CD36: variants seen among roughly 807,000 people sequenced by gnomAD.
CD36 encodes the protein platelet glycoprotein 4.
In CD36, 119 loss-of-function variants were observed where a neutral mutation model predicts 55.2. That is an observed-to-expected ratio of 2.15 (90% confidence interval 1.86 to 2.51). The LOEUF is 2.51. Among genes scored for constraint, CD36 ranks in the 30% most tolerant of loss-of-function variants. CD36 has a pLI of 0.00. For synonymous variants in CD36, 186 were observed against 193.6 expected (o/e 0.96, Z 0.33); for missense variants, 819 against 555.5 (o/e 1.47, Z -4.77).
At chr7:80,618,499 C>T (rs180921111) in intron 1 of CD36, among the ~76,000 whole-genome samples, 18 of 152,232 alleles carry the variant, frequency 1.2e-4, no homozygotes. Context: ...GAAACCTAGG[C>T]CTCTGACACC....
intron 4 of CD36, among the ~76,000 whole-genome samples, chr7:80,658,816 T>C (rs184866623): frequency 1.3e-5 from 2 of 152,298 alleles, no homozygotes; most frequent in East Asian, 3.9e-4. Context: ...CTTTTAAATA[T>C]ATTATTTGGG....
chr7:80,664,254 T>A, intron 6 of CD36, 152 bp from the exon 7 acceptor site: 1 of 592,146 alleles, frequency 1.7e-6, no homozygotes, highest in Non-Finnish European at 3.1e-6. Context: ...CTTTCACAAT[T>A]TTTAAGGCCA....
intron 1 of CD36, among the ~76,000 whole-genome samples, chr7:80,629,278 C>A (rs1793928991): frequency 1.3e-5 from 2 of 151,918 alleles, no homozygotes; most frequent in Admixed American, 6.6e-5. Context: ...CCTCCAGCAG[C>A]ATGGCTGTAG....
At chr7:80,673,775 A>G in intron 13 of CD36, 1 of 596,398 alleles carries the variant, frequency 1.7e-6, no homozygotes, top group South Asian at 2.0e-5. Flanking sequence ...TGAAGAGCAA[A>G]TGAATCCTAG....
At chr7:80,667,953 T>G (rs1313348468) in intron 8 of CD36, among the ~76,000 whole-genome samples, 2 of 152,014 alleles carry the variant, frequency 1.3e-5, no homozygotes, top group Non-Finnish European at 2.9e-5. Flanking sequence ...TTCACCATGT[T>G]GGCCAGGATG....
chr7:80,670,239 A>G lies in CD36; in HGVS notation c.818+217A>G, dbSNP rs995794501. The G allele has an allele frequency of 2.7e-5, 15 of 552,356 alleles. No individual in the cohort carries two copies. In the African/African-American group the frequency reaches 2.8e-4, roughly 10 times the overall value. The allele number at this position is 552,356 out of a possible 1,614,324, so 34.2% of individuals were successfully genotyped here. On this transcript the variant is annotated intron_variant, in intron 9 of 14. Coordinates refer to ENST00000447544, the MANE Select transcript of CD36 (RefSeq NM_001001548.3). ...AACCATTTTGCCTTTTAAAAACTAAACTAGTAGTCTATTAACGATCAAGTC... is the reference window on the plus strand; with the variant it reads ...AACCATTTTGCCTTTTAAAAACTAAGCTAGTAGTCTATTAACGATCAAGTC...
At chr7:80,638,771 A>G (rs1194031334) in intron 1 of CD36, 25 bp downstream of exon 1, 3 of 151,986 alleles carry the variant, frequency 2.0e-5, no homozygotes, top group Non-Finnish European at 4.4e-5. Context: ...TTTTCTTTAA[A>G]TAAAAAAGAT....
intron 1 of CD36, among the ~76,000 whole-genome samples, chr7:80,622,524 A>G (rs1793526256): frequency 6.6e-6 from 1 of 152,350 alleles, no homozygotes; most frequent in Non-Finnish European, 1.5e-5. Flanking sequence ...AAAGAGCAAA[A>G]CAAAGCAATA....
chr7:80,668,971 AC>A (rs1385043508), intron 8 of CD36, among the ~76,000 whole-genome samples: 2 of 152,214 alleles, frequency 1.3e-5, no homozygotes, highest in East Asian at 3.9e-4. Flanking sequence ...TCAATAAATG[AC>A]TTTTTTATAC....
chr7:80,663,817 C>T (rs914044479), intron 6 of CD36, among the ~76,000 whole-genome samples: 1 of 152,060 alleles, frequency 6.6e-6, no homozygotes, highest in Non-Finnish European at 1.5e-5. Flanking sequence ...TCATTTGGCA[C>T]TATATGTGAA....
At position 80,646,708 on chromosome 7, in the gene CD36, G is replaced by T. The variant is rs1795192050; in HGVS notation, c.-33G>T. 6.2e-7 allele frequency: 1 copy of T among 1,613,436 alleles called. No homozygotes were observed. Among genetic ancestry groups the T allele is most frequent in the African/African-American group, 1.3e-5 (1 of 74,856 alleles). On this transcript the variant is annotated 5_prime_UTR_variant, in exon 3 of 15. Transcript: ENST00000447544. ...ATCCAGGAGTTTGCAAGAAACAGGT[G>T]CTTAACACTAATTCACCTCCTGAAC...
In CD36 at chr7:80,674,004, A is replaced by C. The variant is rs1797999537; in HGVS notation, c.1276A>C (p.Lys426Gln). 1.2e-6 allele frequency: 2 copies of C among 1,612,326 alleles called. No individual in the cohort carries two copies. The highest frequency in any genetic ancestry group is 3.3e-5 in the Admixed American group (2 of 59,904). Residue 426 changes from lysine (K) to glutamine (Q), a missense_variant, in exon 14 of 15, where the codon AAG (lysine) becomes CAG (glutamine). Physicochemically the swap from Lys to Gln is moderately conservative, Grantham distance 53 (BLOSUM62 1). Coordinates refer to ENST00000447544, the MANE Select transcript of CD36 (RefSeq NM_001001548.3). Reference protein sequence around the residue: ...LNETGTIGDEKANMFRSQVTG... With the variant: ...LNETGTIGDEQANMFRSQVTG... The stretch of plus-strand genomic sequence containing the variant: ...ACAGACTGGGACCATTGGTGATGAG[A>C]AGGCAAACATGTTCAGAAGTCAAGT...
chr7:80,657,289 G>A (rs1315303846), intron 4 of CD36, among the ~76,000 whole-genome samples: 1 of 144,430 alleles, frequency 6.9e-6, no homozygotes, highest in Non-Finnish European at 1.5e-5. Context: ...ACAATTTTGA[G>A]AACCACCGTG....
intron 1 of CD36, among the ~76,000 whole-genome samples, chr7:80,643,998 C>A (rs866187676): frequency 5.3e-5 from 8 of 152,130 alleles, no homozygotes; most frequent in South Asian, 2.1e-4. Flanking sequence ...TATCAGTTCA[C>A]AACATACAGA....
At chr7:80,643,143 C>T (rs949205853) in intron 1 of CD36, among the ~76,000 whole-genome samples, 16 of 152,116 alleles carry the variant, frequency 1.1e-4, no homozygotes, top group African/African-American at 3.9e-4. Context: ...ACTGTTGGAA[C>T]TCTTTACCCC....
At chr7:80,611,490 G>A (rs1792875882) in intron 1 of CD36, among the ~76,000 whole-genome samples, 2 of 152,146 alleles carry the variant, frequency 1.3e-5, no homozygotes, top group Admixed American at 6.5e-5. Flanking sequence ...GGAGTTAGGA[G>A]CCAAGTTTCT....
At chr7:80,673,447 T>TCTTTGTATATAA (rs1797931169) in intron 13 of CD36, 38 bp downstream of exon 13, 1 of 1,155,626 alleles carries the variant, frequency 8.7e-7, no homozygotes, top group South Asian at 1.2e-5. Context: ...AAAACAACCT[T>TCTTTGTATATAA]CTTTGTATAT....
Position 80,677,381 on chromosome 7 carries a change from C to T in CD36, c.*998C>T, listed in dbSNP as rs1056480823. On this transcript the variant is annotated 3_prime_UTR_variant, in exon 15 of 15. Transcript: ENST00000447544. ...ACCAAATTCTAGCTTGTGTTTTACCCACAGAAGGATACAGGACAAAGGAAT... is the reference window on the plus strand; with the variant it reads ...ACCAAATTCTAGCTTGTGTTTTACCTACAGAAGGATACAGGACAAAGGAAT... 6.6e-6 allele frequency: 1 copy of T among 152,068 alleles called. No homozygotes were observed. Among genetic ancestry groups the T allele is most frequent in the Non-Finnish European group, 1.5e-5 (1 of 68,004 alleles). The allele number at this position is 152,068 out of a possible 1,614,324, so 9.4% of individuals were successfully genotyped here.
chr7:80,641,951 A>C (rs1329470619), intron 1 of CD36, among the ~76,000 whole-genome samples: 1 of 152,056 alleles, frequency 6.6e-6, no homozygotes, highest in Non-Finnish European at 1.5e-5. Context: ...CCAAAAAAAA[A>C]AAAAAGTTAT....
Sources: gnomAD v4.1 joint callset for allele counts (sites outside exome capture counted in the v4.1 genomes callset) on GRCh38, gnomAD v4.1.1 for gene constraint, MANE v1.5 for transcripts, NCBI Gene and HGNC (gene_info 2026-07-23, HGNC 2026-07-21) for gene names.